The following CAV1 variants were observed in gnomAD, a reference collection of about 807,000 sequenced individuals.
CAV1 encodes the protein caveolin-1.
Under a neutral mutation model 16.5 loss-of-function variants are expected in CAV1, and 10 were observed. The observed-to-expected ratio is 0.61, with a 90% CI of 0.37 to 1.03. The LOEUF is 1.03. Ranked by LOEUF, CAV1 falls within the 50% of genes least tolerant of loss-of-function variation. The probability of loss-of-function intolerance (pLI) is 0.01; values close to 1 mark genes in which losing one functional copy is unlikely to be tolerated. For missense variants in CAV1, 212 were observed against 232.8 expected (o/e 0.91, Z 0.58); for synonymous variants, 76 against 85.1 (o/e 0.89, Z 0.59).
intron 2 of CAV1, among the ~76,000 whole-genome samples, chr7:116,547,784 C>T (rs1172779640): frequency 6.6e-6 from 1 of 152,172 alleles, no homozygotes; most frequent in Admixed American, 6.5e-5. Context: ...CCTGATGTGG[C>T]AGGCAGTGCC....
chr7:116,525,725 G>C (rs1000916925), intron 1 of CAV1: 11 of 1,060,070 alleles, frequency 1.0e-5, no homozygotes, highest in Admixed American at 1.0e-4. Flanking sequence ...TGGAAACCTC[G>C]TCTTCCAACA....
chr7:116,526,668 C>T lies in CAV1; in HGVS notation c.174C>T (p.His58=), dbSNP rs1032013263. ...ACCTGGTCAACCGCGACCCTAAACA[C>T]CTCAACGATGACGTGGTCAAGGTAA... is the stretch of plus-strand genomic sequence containing the variant. The part of the protein sequence containing the change: ...EIDLVNRDPK[H]LNDDVVKIDF... The change falls in exon 2 of 3, where the codon CAC becomes CAT. Residue 58 remains histidine (H), a synonymous_variant. Transcript: ENST00000341049. 43 of 1,614,024 alleles carry T rather than the reference C, an allele frequency of 2.7e-5. No homozygotes were observed. The highest frequency in any genetic ancestry group is 3.6e-5 in the Non-Finnish European group (42 of 1,180,036).
chr7:116,525,406 C>T, intron 1 of CAV1: 3 of 1,479,140 alleles, frequency 2.0e-6, no homozygotes, highest in Non-Finnish European at 2.7e-6. Flanking sequence ...CTAGGATGCT[C>T]CCTTGTCGCG....
At chr7:116,534,132 C>G (rs1458516669) in intron 2 of CAV1, among the ~76,000 whole-genome samples, 2 of 151,558 alleles carry the variant, frequency 1.3e-5, no homozygotes, top group African/African-American at 4.8e-5. Flanking sequence ...GCACGAGAAT[C>G]GCTTTAACCC....
chr7:116,555,542 G>GAGAGAGAGAGAGAAAGAA (rs1478856618), intron 2 of CAV1, among the ~76,000 whole-genome samples: 1 of 12,124 alleles, frequency 8.2e-5, no homozygotes, highest in African/African-American at 2.4e-4. Context: ...GAGAGAGAGA[G>GAGAGAGAGAGAGAAAGAA]AGAAAGAAAG....
chr7:116,530,253 A>G (rs1266943564), intron 2 of CAV1, among the ~76,000 whole-genome samples: 1 of 134,268 alleles, frequency 7.4e-6, no homozygotes, highest in African/African-American at 2.9e-5. Context: ...TTTCAAATCT[A>G]TAGCTGGATT....
chr7:116,526,683 G>A lies in CAV1; in HGVS notation c.189G>A (p.Val63=), dbSNP rs2115932080. 6.2e-7 allele frequency: 1 copy of A among 1,614,096 alleles called. No individual in the cohort carries two copies. Among genetic ancestry groups the A allele is most frequent in the Non-Finnish European group, 8.5e-7 (1 of 1,180,028 alleles). ...NRDPKHLNDD[V]VKIDFEDVIA... is the part of the protein sequence containing the mutation. ...ACCCTAAACACCTCAACGATGACGTGGTCAAGGTAAGCCAAGGCGACCAAC... is the reference window on the plus strand; with the variant it reads ...ACCCTAAACACCTCAACGATGACGTAGTCAAGGTAAGCCAAGGCGACCAAC... The change falls in exon 2 of 3, where the codon GTG becomes GTA. Residue 63 remains valine (V), a synonymous_variant. Transcript: ENST00000341049.
At chr7:116,531,907 T>A (rs1793693371) in intron 2 of CAV1, among the ~76,000 whole-genome samples, 1 of 152,222 alleles carries the variant, frequency 6.6e-6, no homozygotes, top group South Asian at 2.1e-4. Context: ...TGGGAAATTG[T>A]TCTCAGAATA....
At chr7:116,558,827 T>A (rs375544121) in intron 2 of CAV1, 119 bp from the exon 3 acceptor site, 2 of 747,446 alleles carry the variant, frequency 2.7e-6, no homozygotes, top group Non-Finnish European at 4.6e-6. Flanking sequence ...CCTTTAAGCA[T>A]CTCACAAAGA....
intron 2 of CAV1, among the ~76,000 whole-genome samples, chr7:116,530,208 C>CTTTTTTTT (rs3030806): frequency 2.4e-5 from 3 of 125,360 alleles, no homozygotes; most frequent in Non-Finnish European, 3.2e-5. Flanking sequence ...GTCCTTTTTC[C>CTTTTTTTT]TTTTTTTTTT....
chr7:116,526,909 T>G (rs1331339134), intron 2 of CAV1: 1 of 588,876 alleles, frequency 1.7e-6, no homozygotes, highest in South Asian at 1.9e-5. Context: ...AATAGTTAGT[T>G]CAGCTGAAAT....
intron 2 of CAV1, among the ~76,000 whole-genome samples, chr7:116,537,009 CAAA>C (rs753949130): frequency 1.5e-3 from 92 of 61,458 alleles, no homozygotes; most frequent in South Asian, 3.5e-3. Context: ...GACTCCGTCT[CAAA>C]AAAAAAAAAA....
In CAV1 at chr7:116,526,669, C is replaced by T; in HGVS notation, c.175C>T (p.Leu59Phe). The change falls in exon 2 of 3, where the codon CTC (leucine) becomes TTC (phenylalanine). Residue 59 changes from leucine (L) to phenylalanine (F), a missense_variant. Transcript: ENST00000341049. Reference protein sequence around the residue: ...IDLVNRDPKHLNDDVVKIDFE... With the variant: ...IDLVNRDPKHFNDDVVKIDFE... ...CCTGGTCAACCGCGACCCTAAACAC[C>T]TCAACGATGACGTGGTCAAGGTAAG... 2 of 1,614,154 alleles carry T rather than the reference C, an allele frequency of 1.2e-6. No homozygotes were observed. Among genetic ancestry groups the T allele is most frequent in the Non-Finnish European group, 1.7e-6 (2 of 1,180,036 alleles).
At chr7:116,557,828 GTCAAAC>G (rs2116108700) in intron 2 of CAV1, among the ~76,000 whole-genome samples, 1 of 152,192 alleles carries the variant, frequency 6.6e-6, no homozygotes, top group Admixed American at 6.5e-5. Context: ...GCATACGGTT[GTCAAAC>G]TCATCTTGAT....
At chr7:116,525,659 C>G in intron 1 of CAV1, 1 of 1,090,190 alleles carries the variant, frequency 9.2e-7, no homozygotes, top group South Asian at 2.9e-5. Context: ...CCTCCCCTCC[C>G]CAAACTGCCA....
chr7:116,544,638 A>G (rs2116032239), intron 2 of CAV1, among the ~76,000 whole-genome samples: 1 of 152,364 alleles, frequency 6.6e-6, no homozygotes, highest in Non-Finnish European at 1.5e-5. Flanking sequence ...GTGCTGAAGG[A>G]GTGCTCCAGG....
chr7:116,556,391 G>A (rs1355817585), intron 2 of CAV1, among the ~76,000 whole-genome samples: 1 of 152,120 alleles, frequency 6.6e-6, no homozygotes, highest in Non-Finnish European at 1.5e-5. Context: ...TTATGAAATA[G>A]CATACTCACC....
intron 2 of CAV1, among the ~76,000 whole-genome samples, chr7:116,557,594 A>G (rs975160319): frequency 1.3e-5 from 2 of 152,206 alleles, no homozygotes; most frequent in Admixed American, 6.5e-5. Context: ...GTTTGGGTGA[A>G]CATGTACCTG....
chr7:116,539,285 T>C (rs1164630066), intron 2 of CAV1, among the ~76,000 whole-genome samples: 1 of 152,154 alleles, frequency 6.6e-6, no homozygotes, highest in East Asian at 1.9e-4. Context: ...CAGTGTCCTC[T>C]CTCCTCTCCC....
Sources: gnomAD v4.1 joint callset for allele counts (sites outside exome capture counted in the v4.1 genomes callset) on GRCh38, gnomAD v4.1.1 for gene constraint, MANE v1.5 for transcripts, NCBI Gene and HGNC (gene_info 2026-07-23, HGNC 2026-07-21) for gene names.